Variants in C12orf43 observed in about 807,000 individuals in gnomAD.
The protein encoded by C12orf43 is protein CUSTOS.
Under a neutral mutation model 20.6 loss-of-function variants are expected in C12orf43, and 15 were observed. That is an observed-to-expected ratio of 0.73 (90% CI 0.49 to 1.12). C12orf43 has a LOEUF of 1.12. Ranked by LOEUF, C12orf43 falls within the 50% of genes most tolerant of loss-of-function variation. The probability of loss-of-function intolerance (pLI) is 0.00; values close to 1 mark genes in which losing one functional copy is unlikely to be tolerated. For synonymous variants in C12orf43, 144 were observed against 130.8 expected, an observed-to-expected ratio of 1.10 and a Z score of -0.69; for missense variants, 334 against 344.4, an observed-to-expected ratio of 0.97 and a Z score of 0.24.
intron 1 of C12orf43, among the ~76,000 whole-genome samples, chr12:121,014,187 C>T (rs1343015897): frequency 1.3e-5 from 2 of 151,302 alleles, no homozygotes; most frequent in African/African-American, 4.9e-5. Context: ...AAAAAATTAG[C>T]TGGGCCTGGT....
At chr12:121,008,370 A>T (rs906124273) in intron 3 of C12orf43, among the ~76,000 whole-genome samples, 1 of 152,112 alleles carries the variant, frequency 6.6e-6, no homozygotes, top group African/African-American at 2.4e-5. Flanking sequence ...CCTGTCCTCA[A>T]ATGATCCACC....
intron 1 of C12orf43, among the ~76,000 whole-genome samples, chr12:121,015,266 GA>G (rs1191038028): frequency 6.6e-6 from 1 of 152,196 alleles, no homozygotes; most frequent in Non-Finnish European, 1.5e-5. Flanking sequence ...TAGGGGGTGA[GA>G]GGGGCAGACT....
intron 3 of C12orf43, 81 bp downstream of exon 3, chr12:121,010,747 C>T: frequency 8.8e-7 from 1 of 1,136,410 alleles, no homozygotes; most frequent in Non-Finnish European, 1.2e-6. Context: ...CCAGCCTGGA[C>T]ACCGTGAGCT....
At chr12:121,011,252 T>C (rs1240012885) in intron 1 of C12orf43, 106 bp from the exon 2 acceptor site, 5 of 827,826 alleles carry the variant, frequency 6.0e-6, no homozygotes, top group African/African-American at 1.7e-5. Flanking sequence ...ATAACTCATA[T>C]ATATACATAC....
Position 121,000,728 on chromosome 12 carries a change from A to C in C12orf43, c.*3425T>G. ...GCCAACTGATTGTGGCATTAACCAC[A>C]TCTACAAAGCACCTGCATTCACAGC... On this transcript the variant is annotated 3_prime_UTR_variant, in exon 6 of 6. Coordinates refer to ENST00000288757, the MANE Select transcript of C12orf43 (RefSeq NM_022895.3). 1 of 386,882 alleles carries C rather than the reference A, an allele frequency of 2.6e-6. No homozygotes were observed. The highest frequency in any genetic ancestry group is 5.0e-6 in the Non-Finnish European group (1 of 201,148). 24.0% of individuals were successfully genotyped at this position (386,882 alleles called of 1,614,324 possible). A position where few individuals can be genotyped will look rare whatever the true frequency, so the allele number is the denominator to read the frequency against.
intron 3 of C12orf43, 144 bp downstream of exon 3, chr12:121,010,684 A>G: frequency 2.1e-6 from 1 of 474,100 alleles, no homozygotes; most frequent in Admixed American, 4.2e-5. Context: ...CCCACATGAT[A>G]ATGTTCTTTA....
intron 3 of C12orf43, 100 bp downstream of exon 3, chr12:121,010,728 G>T: frequency 1.2e-6 from 1 of 828,782 alleles, no homozygotes; most frequent in Non-Finnish European, 1.8e-6. Context: ...CCAGGTGCCT[G>T]CCACCGTGCC....
intron 1 of C12orf43, among the ~76,000 whole-genome samples, chr12:121,014,337 GA>G (rs1370197094): frequency 6.7e-6 from 1 of 150,312 alleles, no homozygotes; most frequent in East Asian, 2.0e-4. Context: ...GTCTCAAAAA[GA>G]AAAAAAGAGA....
intron 1 of C12orf43, among the ~76,000 whole-genome samples, chr12:121,011,905 C>A (rs1462852818): frequency 6.6e-6 from 1 of 152,204 alleles, no homozygotes; most frequent in Non-Finnish European, 1.5e-5. Context: ...CTTTTATTAA[C>A]CAGGTGTTGT....
chr12:121,006,936 C>A, intron 3 of C12orf43: 1 of 153,774 alleles, frequency 6.5e-6, no homozygotes, highest in Non-Finnish European at 1.4e-5. Flanking sequence ...GACTCCATCT[C>A]CAAAAAAAGA....
Position 121,004,163 on chromosome 12 carries a change from G to A in C12orf43, c.779C>T (p.Pro260Leu). Residue 260 changes from proline to leucine, a missense_variant, in exon 6 of 6, where the codon CCT becomes CTT. By Grantham distance (98) the Pro-to-Leu change is moderately conservative. Coordinates refer to ENST00000288757, the MANE Select transcript of C12orf43 (RefSeq NM_022895.3). This position sits in a 1 kb window ranked among gnomAD's most constrained non-coding sequence, Gnocchi z 5.6. The part of the protein sequence containing the change: ...FPPAKSATAI[P>L]AN Reference sequence around the variant, plus strand: ...TGCCCATGGCTGGGTTCAGTTTGCAGGTATAGCTGTAGCACTCTTTGCTGG... The same window carrying A: ...TGCCCATGGCTGGGTTCAGTTTGCAAGTATAGCTGTAGCACTCTTTGCTGG... 1 of 1,614,172 alleles carries A rather than the reference G, an allele frequency of 6.2e-7. No individual in the cohort carries two copies.
At chr12:121,012,384 A>G in intron 1 of C12orf43, 2 of 702,214 alleles carry the variant, frequency 2.8e-6, no homozygotes, top group Non-Finnish European at 5.2e-6. Flanking sequence ...CTGGACTTTG[A>G]GGAGGAGGAG....
Position 121,003,924 on chromosome 12 carries a change from T to C in C12orf43, c.*229A>G. 3.4e-6 allele frequency: 2 copies of C among 593,676 alleles called. No individual in the cohort carries two copies. The highest frequency in any genetic ancestry group is 2.0e-5 in the South Asian group (1 of 49,256). The allele number at this position is 593,676 out of a possible 1,614,324, so 36.8% of individuals were successfully genotyped here. On this transcript the variant is annotated 3_prime_UTR_variant, in exon 6 of 6. Coordinates refer to ENST00000288757, the MANE Select transcript of C12orf43 (RefSeq NM_022895.3). Reference sequence around the variant, plus strand: ...CCACAGCGCCCCCGCCAGCCCTCCGTGGGAGCACAGAGGGGCAGGCCTTGA... The same window carrying C: ...CCACAGCGCCCCCGCCAGCCCTCCGCGGGAGCACAGAGGGGCAGGCCTTGA...
Position 121,001,387 on chromosome 12 carries a change from G to T in C12orf43, c.*2766C>A. ...CGCCCCAACCCGTGGAGGCTGCTCGGGGTGCACAGGAGGGGGTCGTGGAGA... is the reference window on the plus strand; with the variant it reads ...CGCCCCAACCCGTGGAGGCTGCTCGTGGTGCACAGGAGGGGGTCGTGGAGA... On this transcript the variant is annotated 3_prime_UTR_variant, in exon 6 of 6. Transcript: ENST00000288757. 1 of 663,870 alleles carries T rather than the reference G, an allele frequency of 1.5e-6. No individual in the cohort carries two copies. Among genetic ancestry groups the T allele is most frequent in the Non-Finnish European group, 2.6e-6 (1 of 389,042 alleles). The allele number at this position is 663,870 out of a possible 1,614,324, so 41.1% of individuals were successfully genotyped here. A position where few individuals can be genotyped will look rare whatever the true frequency, so the allele number is the denominator to read the frequency against.
chr12:121,013,351 C>A (rs555035760), intron 1 of C12orf43, among the ~76,000 whole-genome samples: 10 of 152,314 alleles, frequency 6.6e-5, no homozygotes, highest in Non-Finnish European at 1.2e-4. Context: ...GGAGACAGTT[C>A]AGTTGAGTCC....
rs1217195889 is a variant in C12orf43, at chr12:121,002,075, G to A, written c.*2078C>T. The A allele has an allele frequency of 1.9e-6, 1 of 536,390 alleles. No individual in the cohort carries two copies. Among genetic ancestry groups the A allele is most frequent in the East Asian group, 3.9e-5 (1 of 25,776 alleles). The allele number at this position is 536,390 out of a possible 1,614,324, so 33.2% of individuals were successfully genotyped here. A position where few individuals can be genotyped will look rare whatever the true frequency, so the allele number is the denominator to read the frequency against. ...CTGTCTCGAGCGCCCTGCAGACCCT[G>A]CCCTTGTTTGGGGCAGGAGTAGCTG... is the stretch of plus-strand genomic sequence containing the variant. On this transcript the variant is annotated 3_prime_UTR_variant, in exon 6 of 6. Transcript: ENST00000288757.
intron 3 of C12orf43, 94 bp from the exon 4 acceptor site, chr12:121,006,488 T>C: frequency 8.1e-7 from 1 of 1,241,322 alleles, no homozygotes; most frequent in African/African-American, 1.5e-5. Flanking sequence ...GGGTATGTGA[T>C]TGTAAATGCA....
At chr12:121,010,725 C>A in intron 3 of C12orf43, 103 bp downstream of exon 3, 1 of 777,194 alleles carries the variant, frequency 1.3e-6, no homozygotes, top group Non-Finnish European at 1.9e-6. Flanking sequence ...ATGCCAGGTG[C>A]CTGCCACCGT....
chr12:121,014,646 A>T (rs1592924476), intron 1 of C12orf43, among the ~76,000 whole-genome samples: 1 of 1,426 alleles, frequency 7.0e-4, no homozygotes, highest in Admixed American at 0.016. Context: ...AAAAAAATGC[A>T]AAAAAAAAAA....
Sources: allele counts gnomAD v4.1 joint callset (sites outside exome capture counted in the v4.1 genomes callset), GRCh38; gene constraint gnomAD v4.1.1; non-coding constraint Gnocchi (gnomAD v3.1); transcripts MANE v1.5; gene names NCBI Gene and HGNC (gene_info 2026-07-23, HGNC 2026-07-21).